Variants in FHAD1 observed in about 807,000 individuals in gnomAD.
FHAD1 encodes forkhead associated phosphopeptide binding domain 1.
FHAD1 carries 146 observed loss-of-function variants against 191.3 expected under a neutral mutation model. The ratio of observed to expected loss-of-function variants is 0.76; its 90% CI spans 0.67 to 0.88. The LOEUF is 0.88. FHAD1 is among the 40% of genes least tolerant of loss of function. The pLI, the probability that FHAD1 is intolerant of heterozygous loss-of-function variation, is 0.00. For synonymous variants in FHAD1, 616 were observed against 672.3 expected, an observed-to-expected ratio of 0.92 and a Z score of 1.29; for missense variants, 1,635 against 1,785.8, an observed-to-expected ratio of 0.92 and a Z score of 1.52.
chr1:15,357,519 A>C (rs1693222402), intron 20 of FHAD1, among the ~76,000 whole-genome samples: 1 of 149,428 alleles, frequency 6.7e-6, no homozygotes, highest in Non-Finnish European at 1.5e-5. Flanking sequence ...GCTACTTGGG[A>C]GGCTGAAGCA....
chr1:15,292,491 G>T (rs113243794), intron 4 of FHAD1, among the ~76,000 whole-genome samples: 3,730 of 152,228 alleles, frequency 0.025, 163 homozygotes, highest in African/African-American at 0.086. Context: ...CCGCCACCAC[G>T]CCCAGCTAAT....
intron 4 of FHAD1, among the ~76,000 whole-genome samples, chr1:15,293,595 G>C (rs900661072): frequency 6.6e-6 from 1 of 152,170 alleles, no homozygotes; most frequent in Non-Finnish European, 1.5e-5. Context: ...GCACGCACCT[G>C]TAATCCCAGC....
At chr1:15,293,552 T>C (rs1665722029) in intron 4 of FHAD1, among the ~76,000 whole-genome samples, 1 of 152,146 alleles carries the variant, frequency 6.6e-6, no homozygotes, top group Non-Finnish European at 1.5e-5. Context: ...ACCCCATCTC[T>C]ACTAAAAATA....
intron 2 of FHAD1, among the ~76,000 whole-genome samples, chr1:15,262,988 A>T (rs1651782761): frequency 6.6e-6 from 1 of 152,194 alleles, no homozygotes. Flanking sequence ...TTTTTATAGT[A>T]GCCATCCTAA....
In FHAD1 at chr1:15,329,373, C is replaced by A; in HGVS notation, c.1738C>A (p.His580Asn). ...TTGCATGAAAATATCCTGTTGCAGCCATGACCTGAAGAAGGAGGTCGACCT... is the reference window on the plus strand; with the variant it reads ...TTGCATGAAAATATCCTGTTGCAGCAATGACCTGAAGAAGGAGGTCGACCT... Reference protein sequence around the residue: ...QACMKISCCSHDLKKEVDLLQ... With the variant: ...QACMKISCCSNDLKKEVDLLQ... Residue 580 changes from histidine (H) to asparagine (N), a missense_variant, in exon 14 of 34, where the codon CAT becomes AAT. His to Asn is a moderately conservative substitution (Grantham distance 68). Coordinates refer to ENST00000688493, the MANE Select transcript of FHAD1 (RefSeq NM_001391957.1). This position sits in a 1 kb window ranked among gnomAD's most constrained non-coding sequence, Gnocchi z 5.0. The A allele has an allele frequency of 6.5e-7, 1 of 1,548,874 alleles. No individual in the cohort carries two copies. The highest frequency in any genetic ancestry group is 1.2e-5 in the South Asian group (1 of 83,990).
chr1:15,365,627 G>A (rs1209542293), intron 23 of FHAD1, among the ~76,000 whole-genome samples, 200 bp from the exon 24 acceptor site: 2 of 151,720 alleles, frequency 1.3e-5, no homozygotes, highest in African/African-American at 2.4e-5. Context: ...TGGCCTTAAT[G>A]TATTTTCTTA....
chr1:15,308,364 T>A (rs914206146), intron 6 of FHAD1, among the ~76,000 whole-genome samples: 2 of 152,226 alleles, frequency 1.3e-5, no homozygotes, highest in Non-Finnish European at 2.9e-5. Flanking sequence ...GTGTCCCCAG[T>A]GGCAGCCAGG....
intron 33 of FHAD1, among the ~76,000 whole-genome samples, chr1:15,396,588 C>G (rs542036169): frequency 1.1e-4 from 16 of 152,222 alleles, no homozygotes; most frequent in Non-Finnish European, 2.9e-5. Context: ...GCAGGCAGAT[C>G]ACTTGAGGTC....
intron 8 of FHAD1, among the ~76,000 whole-genome samples, chr1:15,313,983 C>T (rs548406253): frequency 6.0e-4 from 91 of 151,978 alleles, no homozygotes; most frequent in African/African-American, 1.8e-3. Flanking sequence ...TAGCTTGAAC[C>T]TGGGAGGCAG....
intron 33 of FHAD1, among the ~76,000 whole-genome samples, chr1:15,391,888 CA>C (rs988917032): frequency 6.6e-6 from 1 of 152,214 alleles, no homozygotes; most frequent in Non-Finnish European, 1.5e-5. Flanking sequence ...TTGCCACCTG[CA>C]AAGTGGGAAT....
intron 8 of FHAD1, among the ~76,000 whole-genome samples, chr1:15,315,776 G>A (rs556504876): frequency 1.1e-4 from 17 of 152,198 alleles, no homozygotes; most frequent in African/African-American, 3.6e-4. Context: ...GCAAGCCACC[G>A]CGCCCAGCCG....
chr1:15,381,387 AAG>A lies in FHAD1; in HGVS notation c.3960_3961del (p.Asn1321ProfsTer13), dbSNP rs1437428880. On this transcript the variant is annotated frameshift_variant, in exon 30 of 34. Coordinates refer to ENST00000688493, the MANE Select transcript of FHAD1 (RefSeq NM_001391957.1). LOFTEE classifies it high-confidence loss of function. This position sits in a 1 kb window ranked among gnomAD's most constrained non-coding sequence, Gnocchi z 4.6. ...DLVFDKITQL[K>X]NQLGRKEELL... ...GGTGTTTGATAAGATCACCCAACTCAAGAACCAGCTGGGGAGGAAAGAGGAGC... is the reference window on the plus strand; with the variant it reads ...GGTGTTTGATAAGATCACCCAACTCAAACCAGCTGGGGAGGAAAGAGGAGC... 12 of 1,551,762 alleles carry A rather than the reference AAG, an allele frequency of 7.7e-6. No individual in the cohort carries two copies. In the East Asian group the frequency reaches 2.2e-4, roughly 28 times the overall value.
intron 1 of FHAD1, among the ~76,000 whole-genome samples, chr1:15,239,655 A>C (rs1361035065): frequency 6.6e-6 from 1 of 152,210 alleles, no homozygotes; most frequent in African/African-American, 2.4e-5. Flanking sequence ...GTTATATCCC[A>C]GCCATCCAAC....
intron 31 of FHAD1, chr1:15,384,138 C>T: frequency 5.5e-6 from 1 of 181,076 alleles, no homozygotes; most frequent in South Asian, 8.8e-5. Flanking sequence ...CCTCCACCAA[C>T]CAGGTGAGCT....
intron 24 of FHAD1, among the ~76,000 whole-genome samples, chr1:15,366,538 T>C (rs527339587): frequency 6.6e-6 from 1 of 152,312 alleles, no homozygotes; most frequent in African/African-American, 2.4e-5. Flanking sequence ...CAGATTTGCT[T>C]CTGGAAGCAA....
intron 31 of FHAD1, chr1:15,383,940 C>T (rs753000269): frequency 2.5e-6 from 1 of 399,132 alleles, no homozygotes; most frequent in South Asian, 1.8e-5. Context: ...CGTGAGTCCC[C>T]TCCTTGTAAC....
chr1:15,362,766 C>T (rs1035127359), intron 23 of FHAD1, 40 bp downstream of exon 23: 19 of 1,495,000 alleles, frequency 1.3e-5, no homozygotes, highest in Non-Finnish European at 1.5e-5. Context: ...GCATTCTCAC[C>T]GGCACCACCT....
At chr1:15,379,124 G>A (rs1043558975) in intron 28 of FHAD1, among the ~76,000 whole-genome samples, 5 of 152,136 alleles carry the variant, frequency 3.3e-5, no homozygotes, top group African/African-American at 1.2e-4. Flanking sequence ...AAGAAATAAG[G>A]GGGCCCGGGG....
chr1:15,241,559 A>C (rs1645370801), intron 1 of FHAD1, among the ~76,000 whole-genome samples: 1 of 152,162 alleles, frequency 6.6e-6, no homozygotes, highest in Non-Finnish European at 1.5e-5. Context: ...CTGAGGTAGG[A>C]GAATCACTTG....
Sources: gnomAD v4.1 joint callset for allele counts (sites outside exome capture counted in the v4.1 genomes callset) on GRCh38, gnomAD v4.1.1 for gene constraint, Gnocchi (gnomAD v3.1) non-coding constraint, MANE v1.5 for transcripts, NCBI Gene and HGNC (gene_info 2026-07-23, HGNC 2026-07-21) for gene names.